The following PTPRR variants were observed in gnomAD, a reference collection of about 807,000 sequenced individuals.
PTPRR encodes the protein receptor-type tyrosine-protein phosphatase R.
A neutral mutation model predicts 77.2 loss-of-function variants in PTPRR; 38 were observed. That is an observed-to-expected ratio of 0.49 (90% CI 0.38 to 0.65). The LOEUF (loss-of-function observed/expected upper bound fraction) is 0.65, where lower values mean the gene tolerates loss of function less well. PTPRR is among the 30% of genes least tolerant of loss of function. The probability of loss-of-function intolerance (pLI) is 0.00; values close to 1 mark genes in which losing one functional copy is unlikely to be tolerated. For missense variants in PTPRR, 744 were observed against 799.2 expected, an observed-to-expected ratio of 0.93 and a Z score of 0.83; for synonymous variants, 299 against 283.1, an observed-to-expected ratio of 1.06 and a Z score of -0.57.
chr12:70,687,123 T>C (rs540628701), intron 8 of PTPRR, among the ~76,000 whole-genome samples: 13 of 151,924 alleles, frequency 8.6e-5, no homozygotes, highest in Non-Finnish European at 1.3e-4. Flanking sequence ...AACAGTCTCT[T>C]TATTTAGATT....
intron 2 of PTPRR, among the ~76,000 whole-genome samples, chr12:70,833,131 G>A (rs949995423): frequency 1.3e-5 from 2 of 152,144 alleles, no homozygotes; most frequent in African/African-American, 4.8e-5. Context: ...ATTTCAACAT[G>A]AGATTTGGAG....
chr12:70,653,598 A>G (rs1444759138), intron 13 of PTPRR, among the ~76,000 whole-genome samples: 1 of 152,224 alleles, frequency 6.6e-6, no homozygotes, highest in East Asian at 1.9e-4. Context: ...TTACAGGCAC[A>G]TGTTAGGTTC....
Position 70,684,220 on chromosome 12 carries a change from G to C in PTPRR, c.1404C>G (p.Pro468=). The change falls in exon 10 of 14, where the codon CCC becomes CCG. Residue 468 remains proline (P), a synonymous_variant. Transcript: ENST00000283228. The part of the protein sequence containing the change: ...KEKAFIATQG[P]MINTVDDFWQ... The stretch of plus-strand genomic sequence containing the variant: ...AGAAATCATCCACGGTGTTGATCAT[G>C]GGGCCCTGCGTGGCAATGAAGGCTT... The C allele has an allele frequency of 6.2e-7, 1 of 1,613,990 alleles. No homozygotes were observed. Among genetic ancestry groups the C allele is most frequent in the Non-Finnish European group, 8.5e-7 (1 of 1,179,934 alleles).
intron 5 of PTPRR, among the ~76,000 whole-genome samples, chr12:70,752,664 C>T (rs1295185272): frequency 6.6e-6 from 1 of 152,186 alleles, no homozygotes; most frequent in East Asian, 1.9e-4. Flanking sequence ...TGAATCACAT[C>T]CATTGATCCC....
chr12:70,815,270 G>T (rs1592772799), intron 2 of PTPRR, among the ~76,000 whole-genome samples: 1 of 151,900 alleles, frequency 6.6e-6, no homozygotes, highest in East Asian at 1.9e-4. Flanking sequence ...CACAGCAATA[G>T]AAACTTTCCA....
intron 5 of PTPRR, among the ~76,000 whole-genome samples, chr12:70,747,917 T>C (rs1272868220): frequency 1.3e-5 from 2 of 152,152 alleles, no homozygotes; most frequent in Non-Finnish European, 2.9e-5. Flanking sequence ...TATAAGGCAG[T>C]GATTCTCAAC....
chr12:70,640,340 T>A (rs2119808), intron 13 of PTPRR, among the ~76,000 whole-genome samples: 10 of 150,130 alleles, frequency 6.7e-5, no homozygotes, highest in Non-Finnish European at 7.4e-5. Context: ...GGACAATTTT[T>A]AAATTTTTTT....
At chr12:70,650,569 A>T (rs1463585429) in intron 13 of PTPRR, among the ~76,000 whole-genome samples, 1 of 152,148 alleles carries the variant, frequency 6.6e-6, no homozygotes, top group Admixed American at 6.5e-5. Flanking sequence ...TGTTAATTAA[A>T]CTATGTCCTG....
intron 1 of PTPRR, among the ~76,000 whole-genome samples, chr12:70,897,718 T>A (rs7488138): frequency 1.3e-5 from 2 of 151,666 alleles, no homozygotes; most frequent in East Asian, 1.9e-4. Flanking sequence ...ATGTTGGTTG[T>A]GGCACTATTC....
chr12:70,717,989 C>T (rs371315065), intron 6 of PTPRR, among the ~76,000 whole-genome samples: 4 of 152,090 alleles, frequency 2.6e-5, no homozygotes, highest in African/African-American at 7.2e-5. Flanking sequence ...TGATTTCTGG[C>T]ATGAATAGGC....
chr12:70,909,624 T>A (rs1893671739), intron 1 of PTPRR, among the ~76,000 whole-genome samples: 1 of 152,200 alleles, frequency 6.6e-6, no homozygotes, highest in South Asian at 2.1e-4. Flanking sequence ...CCTCTGTTAA[T>A]CAGGGCCCCC....
At chr12:70,672,128 G>C (rs925246160) in intron 10 of PTPRR, 1 of 1,407,042 alleles carries the variant, frequency 7.1e-7, no homozygotes, top group Non-Finnish European at 1.0e-6. Flanking sequence ...ACAGTTCCTA[G>C]AGCAGGGAGA....
intron 2 of PTPRR, among the ~76,000 whole-genome samples, chr12:70,855,916 C>A (rs1051959937): frequency 1.3e-5 from 2 of 152,122 alleles, no homozygotes; most frequent in African/African-American, 2.4e-5. Flanking sequence ...TAGTTGGAGA[C>A]AATCTTCTGA....
At chr12:70,668,387 G>A (rs1008737880) in intron 10 of PTPRR, among the ~76,000 whole-genome samples, 1 of 152,136 alleles carries the variant, frequency 6.6e-6, no homozygotes, top group Non-Finnish European at 1.5e-5. Flanking sequence ...TTACAAATAT[G>A]TTTACTATAA....
At chr12:70,879,195 T>C (rs766885619) in intron 2 of PTPRR, among the ~76,000 whole-genome samples, 1 of 152,216 alleles carries the variant, frequency 6.6e-6, no homozygotes, top group Middle Eastern at 3.4e-3. Context: ...GGCACATGTA[T>C]ACATATGTAA....
intron 6 of PTPRR, among the ~76,000 whole-genome samples, chr12:70,710,340 C>T (rs1232004624): frequency 6.6e-6 from 1 of 152,140 alleles, no homozygotes; most frequent in East Asian, 1.9e-4. Flanking sequence ...GGAGAACTGA[C>T]TAGCCATATG....
intron 2 of PTPRR, among the ~76,000 whole-genome samples, chr12:70,814,070 T>C (rs1029360140): frequency 1.3e-5 from 2 of 152,218 alleles, no homozygotes. Context: ...AAATTAACCG[T>C]AGATCAGTGT....
chr12:70,698,809 T>C (rs1888323827), intron 7 of PTPRR, among the ~76,000 whole-genome samples: 1 of 152,158 alleles, frequency 6.6e-6, no homozygotes, highest in African/African-American at 2.4e-5. Flanking sequence ...CCCAAAATGG[T>C]AAATATAAAG....
intron 2 of PTPRR, among the ~76,000 whole-genome samples, chr12:70,789,605 A>T (rs1891388823): frequency 6.6e-6 from 1 of 152,084 alleles, no homozygotes; most frequent in South Asian, 2.1e-4. Flanking sequence ...TGTTGTAATT[A>T]TTATTATTAG....
Sources: gnomAD v4.1 joint callset for allele counts (sites outside exome capture counted in the v4.1 genomes callset) on GRCh38, gnomAD v4.1.1 for gene constraint, MANE v1.5 for transcripts, NCBI Gene and HGNC (gene_info 2026-07-23, HGNC 2026-07-21) for gene names.